Variants in DEFB125 observed in about 807,000 individuals in gnomAD.
DEFB125 encodes the protein beta-defensin 125.
In DEFB125, 11 loss-of-function variants were observed where a neutral mutation model predicts 11.8. That is an observed-to-expected ratio of 0.94 (90% CI 0.59 to 1.55). The LOEUF is 1.55. Ranked by LOEUF, DEFB125 falls within the 40% of genes most tolerant of loss-of-function variation. DEFB125 has a pLI of 0.00. For missense variants in DEFB125, 198 were observed against 191.2 expected (o/e 1.04, Z -0.21); for synonymous variants, 79 against 66.7 (o/e 1.18, Z -0.90).
At chr20:92,468 T>A (rs1568456783) in intron 1 of DEFB125, among the ~76,000 whole-genome samples, 1 of 151,190 alleles carries the variant, frequency 6.6e-6, no homozygotes, top group Non-Finnish European at 1.5e-5. Flanking sequence ...TCTCGGCTCA[T>A]TGCAACCGCC....
In DEFB125 at chr20:96,422, C is replaced by A; in HGVS notation, c.*5C>A. The A allele has an allele frequency of 1.2e-6, 2 of 1,603,478 alleles. No homozygotes were observed. Among genetic ancestry groups the A allele is most frequent in the African/African-American group, 1.3e-5 (1 of 74,428 alleles). On this transcript the variant is annotated 3_prime_UTR_variant, in exon 2 of 2. Transcript: ENST00000382410. ...ACAGCTCTTACTCATAATTAATTAA[C>A]ATTTACTTCTGGTATGGAACAACTA...
chr20:95,169 G>A (rs1458265160), intron 1 of DEFB125, among the ~76,000 whole-genome samples: 2 of 152,020 alleles, frequency 1.3e-5, no homozygotes. Context: ...TGCTCTGCTG[G>A]GGGTCTGCTT....
In DEFB125 at chr20:87,743, G is replaced by C. The variant is rs1311125194; in HGVS notation, c.34G>C (p.Gly12Arg). 1 of 1,613,072 alleles carries C rather than the reference G, an allele frequency of 6.2e-7. No individual in the cohort carries two copies. The highest frequency in any genetic ancestry group is 8.5e-7 in the Non-Finnish European group (1 of 1,179,294). Residue 12 changes from glycine to arginine, a missense_variant, in exon 1 of 2, where the codon GGG becomes CGG. Gly to Arg is a moderately radical substitution (Grantham distance 125). Coordinates refer to ENST00000382410, the MANE Select transcript of DEFB125 (RefSeq NM_153325.4). ...CCTGATGCTGACCTTCATTATCTGT[G>C]GGTTGCTAACTCGGGTGACCAAAGG... ...NILMLTFIICGLLTRVTKGSF... is the reference protein window; with the variant it reads ...NILMLTFIICRLLTRVTKGSF...
chr20:88,036 C>T (rs1176387756), intron 1 of DEFB125, among the ~76,000 whole-genome samples: 1 of 152,198 alleles, frequency 6.6e-6, no homozygotes, highest in African/African-American at 2.4e-5. Flanking sequence ...TGTCTCTCTA[C>T]ATAACTATCC....
intron 1 of DEFB125, among the ~76,000 whole-genome samples, chr20:89,605 G>C (rs1228546208): frequency 6.6e-6 from 1 of 151,906 alleles, no homozygotes; most frequent in African/African-American, 2.4e-5. Flanking sequence ...ACATTTTATA[G>C]ACAAGGATGG....
intron 1 of DEFB125, among the ~76,000 whole-genome samples, chr20:95,378 T>A (rs1382392246): frequency 6.6e-6 from 1 of 152,184 alleles, no homozygotes; most frequent in Non-Finnish European, 1.5e-5. Context: ...CCATAAGCAA[T>A]CACATTTATT....
rs1023839160 is a variant in DEFB125 at position 96,537 on chromosome 20, G to A, written c.*120G>A. 1 of 1,264,270 alleles carries A rather than the reference G, an allele frequency of 7.9e-7. No homozygotes were observed. Among genetic ancestry groups the A allele is most frequent in the Non-Finnish European group, 1.1e-6 (1 of 919,580 alleles). The allele number at this position is 1,264,270 out of a possible 1,614,324, so 78.3% of individuals were successfully genotyped here. ...CCATCAGGGATTGGATGACCATGGG[G>A]ATGGACATAATTGCTACTACCAACA... is the stretch of plus-strand genomic sequence containing the variant. On this transcript the variant is annotated 3_prime_UTR_variant, in exon 2 of 2. Coordinates refer to ENST00000382410, the MANE Select transcript of DEFB125 (RefSeq NM_153325.4).
chr20:88,916 G>C (rs1043563372), intron 1 of DEFB125, among the ~76,000 whole-genome samples: 2 of 150,570 alleles, frequency 1.3e-5, no homozygotes, highest in Non-Finnish European at 3.0e-5. Flanking sequence ...TACCAGAAAA[G>C]CTGAACTATT....
rs2054516935 is a variant in DEFB125 at position 96,619 on chromosome 20, G to T, written c.*202G>T. 5.3e-6 allele frequency: 3 copies of T among 565,802 alleles called. No homozygotes were observed. In the South Asian group the frequency reaches 9.9e-5, roughly 19 times the overall value. The allele number at this position is 565,802 out of a possible 1,614,324, so 35.0% of individuals were successfully genotyped here. ...AATGTGTAGACAGAAATGTATAGAA[G>T]ATACAAGGATTCTCTTAATTGGACT... On this transcript the variant is annotated 3_prime_UTR_variant, in exon 2 of 2. Coordinates refer to ENST00000382410, the MANE Select transcript of DEFB125 (RefSeq NM_153325.4).
chr20:96,637 A>G lies in DEFB125; in HGVS notation c.*220A>G. ...TATAGAAGATACAAGGATTCTCTTAATTGGACTTAAATTCTTTATCTGTCT... is the reference window on the plus strand; with the variant it reads ...TATAGAAGATACAAGGATTCTCTTAGTTGGACTTAAATTCTTTATCTGTCT... On this transcript the variant is annotated 3_prime_UTR_variant, in exon 2 of 2. Transcript: ENST00000382410. 1 of 518,450 alleles carries G rather than the reference A, an allele frequency of 1.9e-6. No individual in the cohort carries two copies. The highest frequency in any genetic ancestry group is 3.3e-6 in the Non-Finnish European group (1 of 303,340). 32.1% of individuals were successfully genotyped at this position (518,450 alleles called of 1,614,324 possible). A position where few individuals can be genotyped will look rare whatever the true frequency, so the allele number is the denominator to read the frequency against.
Position 96,315 on chromosome 20 carries a change from A to G in DEFB125, c.369A>G (p.Pro123=). ...CCAATACTCCTGAGACTACTATGCC[A>G]CCATCTGAGGCCACTACTCCCGAGA... ...PETNTPETTM[P]PSEATTPETT... The change falls in exon 2 of 2, where the codon CCA becomes CCG. Residue 123 remains proline, a synonymous_variant. Coordinates refer to ENST00000382410, the MANE Select transcript of DEFB125 (RefSeq NM_153325.4). 6.2e-7 allele frequency: 1 copy of G among 1,613,536 alleles called. No individual in the cohort carries two copies. Among genetic ancestry groups the G allele is most frequent in the Non-Finnish European group, 8.5e-7 (1 of 1,179,552 alleles).
chr20:92,548 AC>A (rs966187099), intron 1 of DEFB125, among the ~76,000 whole-genome samples: 2 of 151,878 alleles, frequency 1.3e-5, no homozygotes, highest in African/African-American at 4.8e-5. Context: ...ATGTGCCACC[AC>A]ATCCAGCTAA....
intron 1 of DEFB125, among the ~76,000 whole-genome samples, chr20:93,188 C>T (rs1456342667): frequency 1.3e-5 from 2 of 152,000 alleles, no homozygotes; most frequent in African/African-American, 4.8e-5. Flanking sequence ...AGGCTGGTCT[C>T]GAACTCCTGA....
chr20:90,803 CTTTG>C (rs372444289), intron 1 of DEFB125, among the ~76,000 whole-genome samples: 3,444 of 152,218 alleles, frequency 0.023, 141 homozygotes, highest in African/African-American at 0.08. Context: ...ACCCATAGAG[CTTTG>C]TTTGTTTCCT....
At position 92,969 on chromosome 20, in the gene DEFB125, CTTT is replaced by C. The variant is rs33976266; in HGVS notation, c.59-3020_59-3018del. 5.7e-3 allele frequency among the ~76,000 whole-genome samples: 666 copies of C among 116,044 alleles called. 3 individuals carry two copies. Among genetic ancestry groups the C allele is most frequent in the South Asian group, 0.029 (101 of 3,506 alleles). The allele number at this position is 116,044 out of a possible 152,430, so 76.1% of individuals were successfully genotyped here. On this transcript the variant is annotated intron_variant, in intron 1 of 1. Coordinates refer to ENST00000382410, the MANE Select transcript of DEFB125 (RefSeq NM_153325.4). ...TTCTATATTAATCTCTCCTTTTCTG[CTTT>C]TTTTTTTTTTTTTTTGAGATGGAGT...
intron 1 of DEFB125, among the ~76,000 whole-genome samples, chr20:90,677 C>G (rs1418846612): frequency 6.6e-6 from 1 of 152,196 alleles, no homozygotes. Flanking sequence ...CCTGGCCCTG[C>G]AGGATCTGGC....
At position 96,937 on chromosome 20, in the gene DEFB125, T is replaced by C. The variant is rs1284235215; in HGVS notation, c.*520T>C. On this transcript the variant is annotated 3_prime_UTR_variant, in exon 2 of 2. Transcript: ENST00000382410. ...TGACCCTAAATACTTTTCTGTGTCA[T>C]GACGTCAAATTTTGTTTAAGGTTCT... 1 of 153,714 alleles carries C rather than the reference T, an allele frequency of 6.5e-6. No homozygotes were observed. Among genetic ancestry groups the C allele is most frequent in the Non-Finnish European group, 1.4e-5 (1 of 69,070 alleles). 9.5% of individuals were successfully genotyped at this position (153,714 alleles called of 1,614,324 possible). A position where few individuals can be genotyped will look rare whatever the true frequency, so the allele number is the denominator to read the frequency against.
chr20:92,631 T>C (rs1452545727), intron 1 of DEFB125, among the ~76,000 whole-genome samples: 1 of 152,052 alleles, frequency 6.6e-6, no homozygotes, highest in African/African-American at 2.4e-5. Context: ...GACCCTGTGA[T>C]CCACCCTCCT....
At chr20:95,739 T>C (rs1016610768) in intron 1 of DEFB125, among the ~76,000 whole-genome samples, 2 of 152,196 alleles carry the variant, frequency 1.3e-5, no homozygotes, top group Non-Finnish European at 2.9e-5. Context: ...CCTTTCTTTC[T>C]AGGTTTCGTA....
Sources: gnomAD v4.1 joint callset for allele counts (sites outside exome capture counted in the v4.1 genomes callset) on GRCh38, gnomAD v4.1.1 for gene constraint, MANE v1.5 for transcripts, NCBI Gene and HGNC (gene_info 2026-07-23, HGNC 2026-07-21) for gene names.